Variants in KIRREL3 observed in about 807,000 individuals in gnomAD.
The protein encoded by KIRREL3 is kirre like nephrin family adhesion molecule 3.
In KIRREL3, 36 loss-of-function variants were observed where a neutral mutation model predicts 89.7. The observed-to-expected ratio is 0.40, with a 90% CI of 0.31 to 0.53. The LOEUF is 0.53. Among genes scored for constraint, KIRREL3 ranks in the 20% least tolerant of loss-of-function variants. The pLI, the probability that KIRREL3 is intolerant of heterozygous loss-of-function variation, is 0.49. For synonymous variants in KIRREL3, 445 were observed against 441.4 expected (o/e 1.01, Z -0.10); for missense variants, 864 against 1,056.6 (o/e 0.82, Z 2.53).
chr11:126,761,668 T>G lies in KIRREL3; in HGVS notation c.56-198756A>C, dbSNP rs914103645. ...TCTTCTAAGGAATCTTGTAGAAATG[T>G]GATTATGGTGTAGTTTGTGTATATC... is the stretch of plus-strand genomic sequence containing the variant. On this transcript the variant is annotated intron_variant, in intron 1 of 16. Coordinates refer to ENST00000525144, the MANE Select transcript of KIRREL3 (RefSeq NM_032531.4). This position sits in a 1 kb window ranked among gnomAD's most constrained non-coding sequence, Gnocchi z 4.4. 2.6e-5 allele frequency among the ~76,000 whole-genome samples: 4 copies of G among 152,034 alleles called. No individual in the cohort carries two copies. The highest frequency in any genetic ancestry group is 7.2e-5 in the African/African-American group (3 of 41,394).
chr11:126,426,077 C>T (rs1954932832), intron 15 of KIRREL3, among the ~76,000 whole-genome samples: 1 of 152,246 alleles, frequency 6.6e-6, no homozygotes, highest in African/African-American at 2.4e-5. Context: ...GCCAGTTGCT[C>T]TGCTAAGGAC....
chr11:126,870,965 T>C lies in KIRREL3; in HGVS notation c.55+129490A>G, dbSNP rs1945088566. ...TGGCCACAACAGGCTTGGATCTCAT[T>C]GCTCCAGAGAAGCAGGTCTGCCCAT... On this transcript the variant is annotated intron_variant, in intron 1 of 16. Coordinates refer to ENST00000525144, the MANE Select transcript of KIRREL3 (RefSeq NM_032531.4). The surrounding 1 kb of genome is among the most constrained non-coding windows in gnomAD (Gnocchi z 4.4). 6.6e-6 allele frequency among the ~76,000 whole-genome samples: 1 copy of C among 152,188 alleles called. No homozygotes were observed. The highest frequency in any genetic ancestry group is 2.1e-4 in the South Asian group (1 of 4,828).
At chr11:126,726,205 G>C (rs1052871675) in intron 1 of KIRREL3, among the ~76,000 whole-genome samples, 3 of 152,102 alleles carry the variant, frequency 2.0e-5, no homozygotes, top group African/African-American at 7.2e-5. Context: ...GTTTCTTAAA[G>C]CTCTGACATT....
rs1183639365 is a variant in KIRREL3 at position 126,521,848 on chromosome 11, G to A, written c.284-384C>T. Among the ~76,000 whole-genome samples, 1 of 151,944 alleles carries A rather than the reference G, an allele frequency of 6.6e-6. No individual in the cohort carries two copies. Among genetic ancestry groups the A allele is most frequent in the Non-Finnish European group, 1.5e-5 (1 of 67,988 alleles). On this transcript the variant is annotated intron_variant, in intron 3 of 16. Transcript: ENST00000525144. This position sits in a 1 kb window ranked among gnomAD's most constrained non-coding sequence, Gnocchi z 4.1. ...CAGGCTCCACTTCCCAGACTCAAACGATCCTCCCACCTCAGCCTCCCAAGT... is the reference window on the plus strand; with the variant it reads ...CAGGCTCCACTTCCCAGACTCAAACAATCCTCCCACCTCAGCCTCCCAAGT...
chr11:126,766,309 C>A lies in KIRREL3; in HGVS notation c.56-203397G>T, dbSNP rs1453719346. ...GCCTTGGTGCTATAATATGGTCCTGCCAAACCCATTACAGTAATGACAGTG... is the reference window on the plus strand; with the variant it reads ...GCCTTGGTGCTATAATATGGTCCTGACAAACCCATTACAGTAATGACAGTG... On this transcript the variant is annotated intron_variant, in intron 1 of 16. Transcript: ENST00000525144. The surrounding 1 kb of genome is among the most constrained non-coding windows in gnomAD (Gnocchi z 4.2). Among the ~76,000 whole-genome samples, 2 of 152,030 alleles carry A rather than the reference C, an allele frequency of 1.3e-5. No homozygotes were observed. The highest frequency in any genetic ancestry group is 2.9e-5 in the Non-Finnish European group (2 of 68,018).
chr11:126,998,194 C>T (rs1391034331), intron 1 of KIRREL3, among the ~76,000 whole-genome samples: 4 of 152,198 alleles, frequency 2.6e-5, no homozygotes, highest in African/African-American at 9.7e-5. Flanking sequence ...ATAGAATCCT[C>T]TGGGGAATTC....
Position 126,729,410 on chromosome 11 carries a change from T to C in KIRREL3, c.56-166498A>G, listed in dbSNP as rs537820162. Among the ~76,000 whole-genome samples, 9 of 152,318 alleles carry C rather than the reference T, an allele frequency of 5.9e-5. No homozygotes were observed. The East Asian group carries it at 1.5e-3, about 26-fold the overall frequency. ...TCACAAGGCTCATTTTAGGGACATA[T>C]TGCAGGAGAGACAGGAAATTGAAAT... On this transcript the variant is annotated intron_variant, in intron 1 of 16. Transcript: ENST00000525144. This position sits in a 1 kb window ranked among gnomAD's most constrained non-coding sequence, Gnocchi z 4.5.
At position 126,802,630 on chromosome 11, in the gene KIRREL3, G is replaced by A. The variant is rs1213535067; in HGVS notation, c.55+197825C>T. On this transcript the variant is annotated intron_variant, in intron 1 of 16. Transcript: ENST00000525144. This position sits in a 1 kb window ranked among gnomAD's most constrained non-coding sequence, Gnocchi z 5.2. ...CCCTGCGATGGGAGGGTGTCCTGTC[G>A]GGGGCTGGCTCCCGCCTGGCACCCT... 2.0e-5 allele frequency among the ~76,000 whole-genome samples: 3 copies of A among 152,244 alleles called. No individual in the cohort carries two copies. The highest frequency in any genetic ancestry group is 2.1e-4 in the South Asian group (1 of 4,820).
At position 126,505,526 on chromosome 11, in the gene KIRREL3, G is replaced by T. The variant is rs541325527; in HGVS notation, c.433+15789C>A. 5.1e-3 allele frequency among the ~76,000 whole-genome samples: 783 copies of T among 152,200 alleles called. 2 individuals are homozygous for T. Among genetic ancestry groups the T allele is most frequent in the Non-Finnish European group, 9.0e-3 (615 of 68,014 alleles). On this transcript the variant is annotated intron_variant, in intron 4 of 16. Transcript: ENST00000525144. ...GCAGAAGTTGCAGTGAGCTGAGATTGTGCCATTGCACTTCAGCCTGGGCAA... is the reference window on the plus strand; with the variant it reads ...GCAGAAGTTGCAGTGAGCTGAGATTTTGCCATTGCACTTCAGCCTGGGCAA...
intron 1 of KIRREL3, among the ~76,000 whole-genome samples, chr11:126,667,123 C>A (rs189125931): frequency 7.7e-4 from 117 of 152,240 alleles, no homozygotes; most frequent in African/African-American, 2.7e-3. Flanking sequence ...TGATGGAGGA[C>A]AAAGCATCTC....
chr11:126,810,863 C>T (rs886175975), intron 1 of KIRREL3, among the ~76,000 whole-genome samples: 7 of 152,154 alleles, frequency 4.6e-5, no homozygotes, highest in South Asian at 2.1e-4. Flanking sequence ...TGACTGAAAC[C>T]CTGAGAATAT....
rs537331646 is a variant in KIRREL3, at chr11:126,424,434, C to G, written c.*146G>C. On this transcript the variant is annotated 3_prime_UTR_variant, in exon 17 of 17. Transcript: ENST00000525144. ...CCAGATTTGTGCTTGATCAGAGCTTCGAAGGAAGGCAGTGGCAGAGGCGCT... is the reference window on the plus strand; with the variant it reads ...CCAGATTTGTGCTTGATCAGAGCTTGGAAGGAAGGCAGTGGCAGAGGCGCT... The G allele has an allele frequency of 6.8e-5, 38 of 556,032 alleles. No homozygotes were observed. The highest frequency in any genetic ancestry group is 9.6e-5 in the Non-Finnish European group (32 of 331,880). 34.4% of individuals were successfully genotyped at this position (556,032 alleles called of 1,614,324 possible).
intron 6 of KIRREL3, among the ~76,000 whole-genome samples, chr11:126,458,704 A>T (rs1317688181): frequency 6.6e-6 from 1 of 151,882 alleles, no homozygotes; most frequent in Non-Finnish European, 1.5e-5. Flanking sequence ...AATCCAGGAA[A>T]CCTCTGCTCC....
At chr11:126,866,821 C>T in intron 1 of KIRREL3, among the ~76,000 whole-genome samples, 1 of 152,124 alleles carries the variant, frequency 6.6e-6, no homozygotes. Context: ...CACTGCGTGG[C>T]CTGACTCCAG....
At chr11:126,437,039 C>A (rs1167914021) in intron 11 of KIRREL3, 30 bp from the exon 12 acceptor site, 1 of 1,488,100 alleles carries the variant, frequency 6.7e-7, no homozygotes, top group Non-Finnish European at 9.0e-7. Flanking sequence ...CAGGAGGAGA[C>A]CCCACCAGAG....
rs891955247 is a variant in KIRREL3, at chr11:126,605,291, C to T, written c.56-42379G>A. Among the ~76,000 whole-genome samples, 2 of 152,192 alleles carry T rather than the reference C, an allele frequency of 1.3e-5. No homozygotes were observed. The highest frequency in any genetic ancestry group is 6.5e-5 in the Admixed American group (1 of 15,278). On this transcript the variant is annotated intron_variant, in intron 1 of 16. Transcript: ENST00000525144. The surrounding 1 kb of genome is among the most constrained non-coding windows in gnomAD (Gnocchi z 5.7). ...GATTCCAGGCAGGTATAATGTGCTG[C>T]ACTTAATGTAGAGGATCAGGGTCCC...
chr11:126,715,956 G>A lies in KIRREL3; in HGVS notation c.56-153044C>T, dbSNP rs1947941443. Among the ~76,000 whole-genome samples the A allele has an allele frequency of 6.6e-6, 1 of 152,168 alleles. No individual in the cohort carries two copies. Among genetic ancestry groups the A allele is most frequent in the Admixed American group, 6.5e-5 (1 of 15,276 alleles). ...ACAGGATGCAATTTATCTTCAGAGAGTACCCTCCATACACCCAATGTTAGT... is the reference window on the plus strand; with the variant it reads ...ACAGGATGCAATTTATCTTCAGAGAATACCCTCCATACACCCAATGTTAGT... On this transcript the variant is annotated intron_variant, in intron 1 of 16. Coordinates refer to ENST00000525144, the MANE Select transcript of KIRREL3 (RefSeq NM_032531.4). This position sits in a 1 kb window ranked among gnomAD's most constrained non-coding sequence, Gnocchi z 4.4.
rs990196531 is a variant in KIRREL3 at position 126,906,804 on chromosome 11, G to A, written c.55+93651C>T. 2.0e-5 allele frequency among the ~76,000 whole-genome samples: 3 copies of A among 152,292 alleles called. No homozygotes were observed. Among genetic ancestry groups the A allele is most frequent in the Non-Finnish European group, 2.9e-5 (2 of 68,014 alleles). On this transcript the variant is annotated intron_variant, in intron 1 of 16. Transcript: ENST00000525144. This position sits in a 1 kb window ranked among gnomAD's most constrained non-coding sequence, Gnocchi z 4.1. Reference sequence around the variant, plus strand: ...GCTGCCTGTGGCTTCTTCCTGGGACGTCTGCTCTGCCTCCTGAAAGGATGG... The same window carrying A: ...GCTGCCTGTGGCTTCTTCCTGGGACATCTGCTCTGCCTCCTGAAAGGATGG...
chr11:126,827,926 G>A (rs1943473044), intron 1 of KIRREL3, among the ~76,000 whole-genome samples: 1 of 152,128 alleles, frequency 6.6e-6, no homozygotes, highest in Non-Finnish European at 1.5e-5. Flanking sequence ...TAAGAGCATT[G>A]GGTTTTGGAA....
Sources: allele counts gnomAD v4.1 joint callset (sites outside exome capture counted in the v4.1 genomes callset), GRCh38; gene constraint gnomAD v4.1.1; non-coding constraint Gnocchi (gnomAD v3.1); transcripts MANE v1.5; gene names NCBI Gene and HGNC (gene_info 2026-07-23, HGNC 2026-07-21).